Variants in OR2L13 observed in about 807,000 individuals in gnomAD.
The protein encoded by OR2L13 is olfactory receptor 2L13.
Under a neutral mutation model 15.3 loss-of-function variants are expected in OR2L13, and 14 were observed. The ratio of observed to expected loss-of-function variants is 0.91; its 90% confidence interval spans 0.60 to 1.43. The LOEUF is 1.43. Ranked by LOEUF, OR2L13 falls within the 40% of genes most tolerant of loss-of-function variation. OR2L13 has a pLI of 0.00. For missense variants in OR2L13, 367 were observed against 387.9 expected, an observed-to-expected ratio of 0.95 and a Z score of 0.45; for synonymous variants, 152 against 142.9, an observed-to-expected ratio of 1.06 and a Z score of -0.45.
the OR2L13 span, among the ~76,000 whole-genome samples, chr1:248,085,436 T>TAAAATAAAATAA: frequency 4.3e-4 from 36 of 84,514 alleles, 4 homozygotes; most frequent in East Asian, 3.3e-3. Flanking sequence ...TAAAATAAAA[T>TAAAATAAAATAA]AATAAAATAA....
At chr1:247,996,690 A>G in the OR2L13 span, among the ~76,000 whole-genome samples, 1 of 152,156 alleles carries the variant, frequency 6.6e-6, no homozygotes, top group Admixed American at 6.5e-5. Context: ...TTTTTTACAG[A>G]AATTCCCTTG....
the OR2L13 span, among the ~76,000 whole-genome samples, chr1:248,060,318 T>C: frequency 6.6e-6 from 1 of 152,240 alleles, no homozygotes; most frequent in South Asian, 2.1e-4. Context: ...AAACTCTAGG[T>C]AAAAATTAAG....
the OR2L13 span, among the ~76,000 whole-genome samples, chr1:248,058,369 G>A: frequency 6.6e-6 from 1 of 152,022 alleles, no homozygotes; most frequent in Non-Finnish European, 1.5e-5. Flanking sequence ...GATAGTAACT[G>A]CTCCCTCCTC....
the OR2L13 span, chr1:247,966,229 C>T: frequency 6.2e-7 from 1 of 1,613,392 alleles, no homozygotes; most frequent in Non-Finnish European, 8.5e-7. Context: ...CACACCTCTA[C>T]TGAACCCATT....
the OR2L13 span, chr1:247,966,450 T>C: frequency 6.5e-6 from 7 of 1,081,980 alleles, no homozygotes; most frequent in South Asian, 1.2e-4. Flanking sequence ...TTGTTTAACT[T>C]GTAAAGCAAT....
the OR2L13 span, among the ~76,000 whole-genome samples, chr1:248,060,106 CA>C: frequency 6.6e-6 from 1 of 150,966 alleles, no homozygotes; most frequent in Non-Finnish European, 1.5e-5. Context: ...ACTAATTTTT[CA>C]AATATAAATC....
At chr1:247,964,773 A>T in the OR2L13 span, among the ~76,000 whole-genome samples, 1 of 150,316 alleles carries the variant, frequency 6.7e-6, no homozygotes, top group Non-Finnish European at 1.5e-5. Flanking sequence ...GTTTACACAC[A>T]TATGTGTATA....
the OR2L13 span, among the ~76,000 whole-genome samples, chr1:247,967,688 TC>T: frequency 7.8e-4 from 119 of 152,174 alleles, no homozygotes; most frequent in African/African-American, 2.8e-3. Context: ...TTCTTTTTCC[TC>T]CCCCCTTACT....
chr1:247,964,252 T>G, the OR2L13 span, among the ~76,000 whole-genome samples: 1 of 152,184 alleles, frequency 6.6e-6, no homozygotes, highest in Admixed American at 6.5e-5. Context: ...CTTACTGCAG[T>G]GTGTTTAGCC....
At chr1:247,941,601 T>G in the OR2L13 span, among the ~76,000 whole-genome samples, 1 of 152,036 alleles carries the variant, frequency 6.6e-6, no homozygotes, top group African/African-American at 2.4e-5. Context: ...ATTCCTGTGG[T>G]GCTATTTGGA....
At chr1:248,002,794 C>T in the OR2L13 span, among the ~76,000 whole-genome samples, 4,067 of 150,906 alleles carry the variant, frequency 0.027, 155 homozygotes, top group African/African-American at 0.095. Context: ...GGAGGCAGAG[C>T]TTGCAGTGAG....
the OR2L13 span, among the ~76,000 whole-genome samples, chr1:247,993,956 A>G: frequency 1.3e-5 from 2 of 152,152 alleles, no homozygotes; most frequent in African/African-American, 4.8e-5. Flanking sequence ...ATTAACGAAC[A>G]CAATGTGTGG....
exon 3 of OR2L13, chr1:248,099,414 G>T (rs745864735): frequency 6.2e-7 from 1 of 1,613,456 alleles, no homozygotes; most frequent in Non-Finnish European, 8.5e-7. Flanking sequence ...ATTTCATTTT[G>T]TTGGGTCTGC....
chr1:248,000,227 G>A, the OR2L13 span, among the ~76,000 whole-genome samples: 7 of 150,242 alleles, frequency 4.7e-5, 2 homozygotes, highest in Admixed American at 2.0e-4. Flanking sequence ...TGGTTTTTCT[G>A]TTTGATCAAA....
At chr1:248,015,044 G>C in the OR2L13 span, among the ~76,000 whole-genome samples, 1 of 152,092 alleles carries the variant, frequency 6.6e-6, no homozygotes, top group Non-Finnish European at 1.5e-5. Flanking sequence ...CTATCTATGA[G>C]AGCTGATGCA....
At chr1:247,991,074 G>C in the OR2L13 span, 3 of 1,584,256 alleles carry the variant, frequency 1.9e-6, no homozygotes, top group Non-Finnish European at 2.6e-6. Flanking sequence ...CTCCGACAGA[G>C]GACAAGGTTC....
chr1:248,056,245 A>C, the OR2L13 span, among the ~76,000 whole-genome samples: 3 of 152,116 alleles, frequency 2.0e-5, no homozygotes, highest in African/African-American at 7.2e-5. Context: ...ATATGTATAC[A>C]TGTGCCATGT....
chr1:248,039,774 A>G, the OR2L13 span: 2 of 152,218 alleles, frequency 1.3e-5, no homozygotes, highest in Non-Finnish European at 2.9e-5. Context: ...ATTAGTTAAA[A>G]TTACTGAATC....
the OR2L13 span, among the ~76,000 whole-genome samples, chr1:247,955,806 ATTTG>A: frequency 3.3e-5 from 5 of 152,022 alleles, no homozygotes; most frequent in African/African-American, 7.2e-5. Context: ...TTTCTTGTGA[ATTTG>A]TTTGAGTTCA....
Sources: allele counts gnomAD v4.1 joint callset (sites outside exome capture counted in the v4.1 genomes callset), GRCh38; gene constraint gnomAD v4.1.1; transcripts MANE v1.5; gene names NCBI Gene and HGNC (gene_info 2026-07-23, HGNC 2026-07-21).